The following CALN1 variants were observed in gnomAD, a reference collection of about 807,000 sequenced individuals.
CALN1 encodes the protein calcium-binding protein 8.
CALN1 carries 17 observed loss-of-function variants against 30.6 expected under a neutral mutation model. That is an observed-to-expected ratio of 0.56 (90% CI 0.38 to 0.83). CALN1 has a LOEUF of 0.83. Ranked by LOEUF, CALN1 falls within the 40% of genes least tolerant of loss-of-function variation. The pLI, the probability that CALN1 is intolerant of heterozygous loss-of-function variation, is 0.00. For synonymous variants in CALN1, 156 were observed against 131.4 expected (o/e 1.19, Z -1.28); for missense variants, 291 against 354.9 (o/e 0.82, Z 1.45).
chr7:72,056,102 A>C (rs1044220659), intron 4 of CALN1, among the ~76,000 whole-genome samples: 1 of 152,166 alleles, frequency 6.6e-6, no homozygotes, highest in Non-Finnish European at 1.5e-5. Context: ...CTTTAAAAGA[A>C]AACATAAAAG....
At chr7:72,091,854 T>A (rs1041037527) in intron 4 of CALN1, among the ~76,000 whole-genome samples, 6 of 152,236 alleles carry the variant, frequency 3.9e-5, no homozygotes, top group Admixed American at 2.0e-4. Context: ...TAATGTGAGA[T>A]TTTCTGCTTT....
chr7:72,105,769 A>G (rs926822236), intron 4 of CALN1, among the ~76,000 whole-genome samples: 37 of 115,248 alleles, frequency 3.2e-4, no homozygotes, highest in Admixed American at 6.4e-4. Context: ...GAGGAAGAAG[A>G]AGGAGGAGGA....
intron 3 of CALN1, among the ~76,000 whole-genome samples, chr7:72,232,450 CA>C (rs61226929): frequency 7.2e-5 from 11 of 151,956 alleles, no homozygotes; most frequent in Non-Finnish European, 1.3e-4. Flanking sequence ...AGAAAGCTTT[CA>C]AAAAAATTTT....
At chr7:72,159,367 G>T (rs180966932) in intron 3 of CALN1, among the ~76,000 whole-genome samples, 170 of 152,272 alleles carry the variant, frequency 1.1e-3, no homozygotes, top group African/African-American at 3.7e-3. Context: ...CAGGCATGTG[G>T]TGTGTGCCTG....
At chr7:71,822,779 T>C (rs1458411114) in intron 5 of CALN1, among the ~76,000 whole-genome samples, 1 of 152,226 alleles carries the variant, frequency 6.6e-6, no homozygotes, top group Non-Finnish European at 1.5e-5. Flanking sequence ...TTTCAGTCTT[T>C]GTAAGTTTAA....
chr7:72,381,960 G>A (rs1326063466), intron 2 of CALN1, among the ~76,000 whole-genome samples: 12 of 152,162 alleles, frequency 7.9e-5, no homozygotes, highest in Non-Finnish European at 5.9e-5. Flanking sequence ...TTCCTGAACT[G>A]ATTAAAGAGT....
intron 3 of CALN1, among the ~76,000 whole-genome samples, chr7:72,272,186 G>A (rs181363380): frequency 5.9e-5 from 9 of 152,206 alleles, no homozygotes; most frequent in Non-Finnish European, 1.5e-5. Context: ...TGGAACCCCA[G>A]GTTCAAAGGA....
intron 3 of CALN1, among the ~76,000 whole-genome samples, chr7:72,126,241 A>G (rs950033797): frequency 1.3e-5 from 2 of 152,108 alleles, no homozygotes; most frequent in Non-Finnish European, 2.9e-5. Context: ...TTCAAAGGCC[A>G]TTATTTCATT....
At chr7:72,308,611 T>G (rs1441922895) in intron 2 of CALN1, among the ~76,000 whole-genome samples, 1 of 152,138 alleles carries the variant, frequency 6.6e-6, no homozygotes, top group African/African-American at 2.4e-5. Flanking sequence ...GCAGATGACA[T>G]AAAATGATGA....
chr7:72,101,074 G>A (rs1188476864), intron 4 of CALN1, among the ~76,000 whole-genome samples: 2 of 151,548 alleles, frequency 1.3e-5, no homozygotes, highest in Admixed American at 6.6e-5. Context: ...AGTGATTCTC[G>A]TGCCTTAGCC....
intron 5 of CALN1, among the ~76,000 whole-genome samples, chr7:71,847,788 G>GAAGAC (rs1790384434): frequency 6.8e-6 from 1 of 146,800 alleles, no homozygotes; most frequent in African/African-American, 2.5e-5. Context: ...AGAAGAAGAA[G>GAAGAC]AAGAAGAAAA....
chr7:72,313,152 A>C (rs985741565), intron 2 of CALN1, among the ~76,000 whole-genome samples: 1 of 152,082 alleles, frequency 6.6e-6, no homozygotes, highest in Non-Finnish European at 1.5e-5. Flanking sequence ...AAGTTACTAA[A>C]ATTAAACCAG....
At chr7:71,847,910 A>C (rs1790414222) in intron 5 of CALN1, among the ~76,000 whole-genome samples, 1 of 152,090 alleles carries the variant, frequency 6.6e-6, no homozygotes, top group Non-Finnish European at 1.5e-5. Flanking sequence ...TGCCACCACC[A>C]TGTAAGAAGT....
the CALN1 span, among the ~76,000 whole-genome samples, chr7:72,483,925 T>A: frequency 3.3e-5 from 5 of 152,144 alleles, no homozygotes; most frequent in African/African-American, 9.7e-5. Flanking sequence ...TTCTGAAAAT[T>A]TGGTTTAAAA....
At chr7:72,436,616 C>T (rs1808166748) in intron 1 of CALN1, among the ~76,000 whole-genome samples, 1 of 152,028 alleles carries the variant, frequency 6.6e-6, no homozygotes, top group South Asian at 2.1e-4. Context: ...CAGGCCTGAC[C>T]CAAGGGAAAT....
At chr7:71,800,966 C>G (rs907617719) in intron 6 of CALN1, among the ~76,000 whole-genome samples, 4 of 152,096 alleles carry the variant, frequency 2.6e-5, no homozygotes, top group African/African-American at 9.7e-5. Flanking sequence ...GCTCTCCCTC[C>G]CATTGCCCCC....
At chr7:72,248,499 C>T (rs1178157223) in intron 3 of CALN1, among the ~76,000 whole-genome samples, 3 of 152,118 alleles carry the variant, frequency 2.0e-5, no homozygotes, top group African/African-American at 7.2e-5. Context: ...CAGCCAATCT[C>T]TCTCTCTCTT....
chr7:72,220,455 G>C (rs968974979), intron 3 of CALN1, among the ~76,000 whole-genome samples: 8 of 151,364 alleles, frequency 5.3e-5, no homozygotes, highest in African/African-American at 2.4e-5. Context: ...TTGGACATTT[G>C]GGTTGGTTCC....
At chr7:71,845,908 G>C (rs76718193) in intron 5 of CALN1, among the ~76,000 whole-genome samples, 1 of 152,062 alleles carries the variant, frequency 6.6e-6, no homozygotes, top group Non-Finnish European at 1.5e-5. Flanking sequence ...ACAAAAATTA[G>C]CTGGGCATGG....
Sources: gnomAD v4.1 joint callset for allele counts (sites outside exome capture counted in the v4.1 genomes callset) on GRCh38, gnomAD v4.1.1 for gene constraint, MANE v1.5 for transcripts, NCBI Gene and HGNC (gene_info 2026-07-23, HGNC 2026-07-21) for gene names.